AGBL4: variants seen among roughly 807,000 people sequenced by gnomAD.
AGBL4 encodes cytosolic carboxypeptidase 6.
A neutral mutation model predicts 66.4 loss-of-function variants in AGBL4; 58 were observed. The ratio of observed to expected loss-of-function variants is 0.87; its 90% CI spans 0.71 to 1.09. The LOEUF (loss-of-function observed/expected upper bound fraction) is 1.09. Among genes scored for constraint, AGBL4 ranks in the 50% least tolerant of loss-of-function variants. The probability of loss-of-function intolerance (pLI) is 0.00; values close to 1 mark genes in which losing one functional copy is unlikely to be tolerated. For missense variants in AGBL4, 579 were observed against 631.0 expected (o/e 0.92, Z 0.88); for synonymous variants, 234 against 222.9 (o/e 1.05, Z -0.44).
At chr1:49,053,901 A>G (rs1644264479) in intron 4 of AGBL4, among the ~76,000 whole-genome samples, 1 of 152,198 alleles carries the variant, frequency 6.6e-6, no homozygotes, top group South Asian at 2.1e-4. Context: ...CAGAAGACAC[A>G]AATCTGCTGA....
At chr1:48,748,911 A>C in intron 6 of AGBL4, among the ~76,000 whole-genome samples, 1 of 152,082 alleles carries the variant, frequency 6.6e-6, no homozygotes, top group Non-Finnish European at 1.5e-5. Flanking sequence ...GGAGAAAAAA[A>C]TTCTAGCATG....
intron 6 of AGBL4, among the ~76,000 whole-genome samples, chr1:48,698,092 C>T (rs1224792391): frequency 6.6e-6 from 1 of 152,194 alleles, no homozygotes; most frequent in African/African-American, 2.4e-5. Context: ...TCTCCCTCCA[C>T]TGTACCCAGG....
intron 11 of AGBL4, among the ~76,000 whole-genome samples, chr1:48,540,248 T>C (rs939772737): frequency 6.6e-6 from 1 of 152,168 alleles, no homozygotes; most frequent in African/African-American, 2.4e-5. Context: ...CTAAACAGTG[T>C]TCCCACTGCA....
intron 6 of AGBL4, among the ~76,000 whole-genome samples, chr1:48,837,707 CACACTA>C (rs1646712586): frequency 1.2e-5 from 1 of 80,520 alleles, no homozygotes; most frequent in Non-Finnish European, 2.3e-5. Flanking sequence ...CGCACACACA[CACACTA>C]TATATATATA....
chr1:49,786,782 G>T lies in AGBL4; in HGVS notation c.157+64614C>A, dbSNP rs112064052. ...TCCCTTTTCTCAAATTTTACTATAG[G>T]TATCAAGAAAAAAAACAGGCAGTGT... On this transcript the variant is annotated intron_variant, in intron 2 of 13. Transcript: ENST00000371839. 2.6e-3 allele frequency among the ~76,000 whole-genome samples: 393 copies of T among 151,886 alleles called. 5 individuals carry two copies. Among genetic ancestry groups the T allele is most frequent in the African/African-American group, 8.9e-3 (369 of 41,424 alleles).
intron 1 of AGBL4, among the ~76,000 whole-genome samples, chr1:49,964,420 T>C (rs897710264): frequency 2.6e-5 from 4 of 152,142 alleles, no homozygotes; most frequent in African/African-American, 9.6e-5. Context: ...CCTGAAGACC[T>C]GATCAAGATA....
Position 48,606,106 on chromosome 1 carries a change from G to C in AGBL4, c.952-15121C>G, listed in dbSNP as rs112252345. On this transcript the variant is annotated intron_variant, in intron 9 of 13. Transcript: ENST00000371839. Reference sequence around the variant, plus strand: ...AAAATCACACAGCAACTTCCCACAGGCTTTCAGAGCCTTAAGACAAAATAG... The same window carrying C: ...AAAATCACACAGCAACTTCCCACAGCCTTTCAGAGCCTTAAGACAAAATAG... Among the ~76,000 whole-genome samples, 414 of 152,070 alleles carry C rather than the reference G, an allele frequency of 2.7e-3. 1 individual carries two copies. Among genetic ancestry groups the C allele is most frequent in the African/African-American group, 9.5e-3 (394 of 41,516 alleles).
At chr1:49,402,913 G>GTC (rs1321043454) in intron 3 of AGBL4, among the ~76,000 whole-genome samples, 2 of 152,162 alleles carry the variant, frequency 1.3e-5, no homozygotes, top group Non-Finnish European at 2.9e-5. Flanking sequence ...CTAACATATG[G>GTC]TCTATCCTTG....
intron 2 of AGBL4, among the ~76,000 whole-genome samples, chr1:49,756,441 G>T (rs575077565): frequency 6.6e-6 from 1 of 152,324 alleles, no homozygotes; most frequent in South Asian, 2.1e-4. Context: ...TGAGACTAAA[G>T]TCAGGCCTCT....
At chr1:49,462,261 T>C (rs1646531049) in intron 3 of AGBL4, among the ~76,000 whole-genome samples, 1 of 151,790 alleles carries the variant, frequency 6.6e-6, no homozygotes, top group South Asian at 2.1e-4. Context: ...GTATTAAGTA[T>C]TTATTTACTG....
chr1:48,832,117 A>T (rs1328417612), intron 6 of AGBL4, among the ~76,000 whole-genome samples: 1 of 152,216 alleles, frequency 6.6e-6, no homozygotes, highest in African/African-American at 2.4e-5. Flanking sequence ...GGGGTGCAGT[A>T]GGATCAAGAA....
intron 6 of AGBL4, chr1:48,758,759 G>A: frequency 1.5e-6 from 1 of 685,556 alleles, no homozygotes; most frequent in Non-Finnish European, 2.3e-6. Context: ...ACTCTTCCTT[G>A]AGGTAACTGG....
chr1:49,660,392 C>T (rs1050292944), intron 3 of AGBL4, among the ~76,000 whole-genome samples: 1 of 152,178 alleles, frequency 6.6e-6, no homozygotes, highest in South Asian at 2.1e-4. Context: ...AAATCAAAAC[C>T]ACAATGAGAT....
At chr1:48,854,041 T>A (rs1447743806) in intron 6 of AGBL4, among the ~76,000 whole-genome samples, 1 of 152,220 alleles carries the variant, frequency 6.6e-6, no homozygotes, top group East Asian at 1.9e-4. Context: ...ATGTTAATAA[T>A]AAAGTCCTAG....
rs1008213707 is a variant in AGBL4, at chr1:49,383,899, C to T, written c.283-138035G>A. Among the ~76,000 whole-genome samples the T allele has an allele frequency of 3.9e-4, 60 of 152,020 alleles. 1 individual carries two copies. The highest frequency in any genetic ancestry group is 8.3e-4 in the South Asian group (4 of 4,806). ...GCGACCGCCGCCTCCCAGATTCAGG[C>T]GATTCCCCTGCCTCAGCCTCCTGAA... On this transcript the variant is annotated intron_variant, in intron 3 of 13. Coordinates refer to ENST00000371839, the MANE Select transcript of AGBL4 (RefSeq NM_032785.4).
chr1:49,188,412 T>C (rs956364235), intron 4 of AGBL4, among the ~76,000 whole-genome samples: 12 of 152,118 alleles, frequency 7.9e-5, no homozygotes, highest in African/African-American at 2.9e-4. Context: ...GACAGAATAT[T>C]TACTGATTAA....
At chr1:49,997,491 T>C (rs1660453975) in intron 1 of AGBL4, among the ~76,000 whole-genome samples, 3 of 152,146 alleles carry the variant, frequency 2.0e-5, no homozygotes, top group Non-Finnish European at 2.9e-5. Flanking sequence ...AAAAGACTAT[T>C]GTAATGGGAA....
chr1:48,550,148 G>T (rs761538938), intron 11 of AGBL4, among the ~76,000 whole-genome samples: 2 of 151,928 alleles, frequency 1.3e-5, no homozygotes, highest in Non-Finnish European at 2.9e-5. Flanking sequence ...TTAAAGTTTG[G>T]GGTAACTATA....
At chr1:49,902,751 A>C (rs1330451743) in intron 1 of AGBL4, among the ~76,000 whole-genome samples, 1 of 150,622 alleles carries the variant, frequency 6.6e-6, no homozygotes, top group Non-Finnish European at 1.5e-5. Flanking sequence ...TGTCTCAAAA[A>C]ACAAACAAAC....
Sources: gnomAD v4.1 joint callset for allele counts (sites outside exome capture counted in the v4.1 genomes callset) on GRCh38, gnomAD v4.1.1 for gene constraint, MANE v1.5 for transcripts, NCBI Gene and HGNC (gene_info 2026-07-23, HGNC 2026-07-21) for gene names.